The following SPDYA variants were observed in gnomAD, a reference collection of about 807,000 sequenced individuals.
SPDYA encodes the protein speedy/RINGO cell cycle regulator family member A.
SPDYA carries 11 observed loss-of-function variants against 36.7 expected under a neutral mutation model. That is an observed-to-expected ratio of 0.30 (90% CI 0.19 to 0.50). SPDYA has a LOEUF of 0.50. Among genes scored for constraint, SPDYA ranks in the 20% least tolerant of loss-of-function variants. SPDYA has a pLI of 0.98. For missense variants in SPDYA, 287 were observed against 370.9 expected (o/e 0.77, Z 1.86); for synonymous variants, 115 against 118.7 (o/e 0.97, Z 0.20).
intron 7 of SPDYA, among the ~76,000 whole-genome samples, chr2:28,847,915 A>C (rs1165553204): frequency 6.6e-6 from 1 of 152,164 alleles, no homozygotes; most frequent in East Asian, 1.9e-4. Context: ...TATAAATGCG[A>C]ATGGTAGTTA....
intron 7 of SPDYA, chr2:28,840,674 T>C: frequency 7.6e-7 from 1 of 1,321,848 alleles, no homozygotes. Flanking sequence ...ATTTTTAATG[T>C]GACCTATGTT....
At chr2:28,823,234 A>C (rs935470254) in intron 5 of SPDYA, among the ~76,000 whole-genome samples, 1 of 152,316 alleles carries the variant, frequency 6.6e-6, no homozygotes, top group African/African-American at 2.4e-5. Context: ...GTTGTTTTCC[A>C]GTTCTTCCAC....
chr2:28,811,797 TA>T lies in SPDYA; in HGVS notation c.-93+859del, dbSNP rs1289123412. On this transcript the variant is annotated intron_variant, in intron 1 of 7. Coordinates refer to ENST00000334056, the MANE Select transcript of SPDYA (RefSeq NM_182756.4). This position sits in a 1 kb window ranked among gnomAD's most constrained non-coding sequence, Gnocchi z 4.2. The stretch of plus-strand genomic sequence containing the variant: ...AAACCCGTCTCTACAAAAAATAACT[TA>T]AAAAAAAAGTATCCTGGCATGGTGG... Among the ~76,000 whole-genome samples the T allele has an allele frequency of 1.4e-4, 20 of 145,364 alleles. No homozygotes were observed. Among genetic ancestry groups the T allele is most frequent in the Non-Finnish European group, 2.0e-4 (13 of 65,366 alleles).
intron 7 of SPDYA, among the ~76,000 whole-genome samples, chr2:28,845,365 G>A (rs994688192): frequency 6.6e-6 from 1 of 151,648 alleles, no homozygotes; most frequent in Admixed American, 6.6e-5. Context: ...CAAAGTGGTG[G>A]GGTTACAGAT....
chr2:28,816,582 G>A (rs1421654697), intron 3 of SPDYA, among the ~76,000 whole-genome samples: 1 of 152,124 alleles, frequency 6.6e-6, no homozygotes, highest in East Asian at 1.9e-4. Context: ...TAAAGACTCA[G>A]GTGAGCTAAC....
intron 5 of SPDYA, among the ~76,000 whole-genome samples, chr2:28,824,478 G>GAAA (rs1180132778): frequency 2.6e-5 from 2 of 77,388 alleles, no homozygotes; most frequent in African/African-American, 5.6e-5. Context: ...GCTGTCAGGA[G>GAAA]AAAAAAAAAA....
At chr2:28,842,533 A>T (rs1355953438) in intron 7 of SPDYA, among the ~76,000 whole-genome samples, 1 of 152,128 alleles carries the variant, frequency 6.6e-6, no homozygotes, top group Non-Finnish European at 1.5e-5. Context: ...GTGGGGTATT[A>T]ACTTAGGGGA....
chr2:28,835,053 GTTTGT>G (rs1197596631), intron 6 of SPDYA, among the ~76,000 whole-genome samples: 1 of 151,946 alleles, frequency 6.6e-6, no homozygotes, highest in South Asian at 2.1e-4. Flanking sequence ...TTTTGCATTT[GTTTGT>G]TTTGTTTTGT....
At chr2:28,844,380 G>C (rs1668820392) in intron 7 of SPDYA, among the ~76,000 whole-genome samples, 1 of 152,170 alleles carries the variant, frequency 6.6e-6, no homozygotes, top group African/African-American at 2.4e-5. Context: ...AATACAGCTG[G>C]TCCTTGACTT....
intron 7 of SPDYA, among the ~76,000 whole-genome samples, chr2:28,842,465 T>C (rs1668772337): frequency 6.6e-6 from 1 of 152,194 alleles, no homozygotes; most frequent in Admixed American, 6.5e-5. Flanking sequence ...GAAGGGGCTG[T>C]GCCAGTCAGT....
In SPDYA at chr2:28,816,120, C is replaced by A; in HGVS notation, c.106C>A (p.Arg36Ser). ...HQPKKPITLK[R>S]PICKDNWQAF... ...GCCTAAAAAGCCCATTACTCTGAAG[C>A]GTCCTATTTGTAAAGATAATTGGCA... Residue 36 changes from arginine (R) to serine (S), a missense_variant, in exon 3 of 8, where the codon CGT becomes AGT. Physicochemically the swap from Arg to Ser is moderately radical, Grantham distance 110. Coordinates refer to ENST00000334056, the MANE Select transcript of SPDYA (RefSeq NM_182756.4). 6.2e-7 allele frequency: 1 copy of A among 1,613,716 alleles called. No homozygotes were observed. The highest frequency in any genetic ancestry group is 8.5e-7 in the Non-Finnish European group (1 of 1,179,850).
Position 28,822,341 on chromosome 2 carries a change from C to T in SPDYA, c.311C>T (p.Thr104Ile). ...TCCTTATAGTATCTTTTGGCTATGA[C>T]CTTTGTTTATTTCAAGAGGGCTAAA... ...KIADKYLLAM[T>I]FVYFKRAKFT... Residue 104 changes from threonine to isoleucine, a missense_variant, in exon 5 of 8, where the codon ACC becomes ATC. By Grantham distance (89) the Thr-to-Ile change is moderately conservative. Coordinates refer to ENST00000334056, the MANE Select transcript of SPDYA (RefSeq NM_182756.4). 1.3e-6 allele frequency: 2 copies of T among 1,550,958 alleles called. No individual in the cohort carries two copies. The highest frequency in any genetic ancestry group is 1.7e-6 in the Non-Finnish European group (2 of 1,145,678).
intron 5 of SPDYA, among the ~76,000 whole-genome samples, chr2:28,826,611 C>CTTTTTTTTTTTTTTTTTTTTTTTTT (rs777338299): frequency 2.7e-5 from 2 of 75,328 alleles, no homozygotes; most frequent in Admixed American, 2.3e-4. Flanking sequence ...TTCTTTCTCT[C>CTTTTTTTTTTTTTTTTTTTTTTTTT]TTTTTTTTTT....
At position 28,840,210 on chromosome 2, in the gene SPDYA, A is replaced by G. The variant is rs760137534; in HGVS notation, c.591A>G (p.Arg197=). ...CACCAACCCATTATATCTGGCAAAG[A>G]GAACGTTCTGTTCATCACAGTGGAG... ...AIAPTHYIWQ[R]ERSVHHSGAV... is the part of the protein sequence containing the mutation. The change falls in exon 7 of 8, where the codon AGA becomes AGG. Residue 197 remains arginine (R), a synonymous_variant. Coordinates refer to ENST00000334056, the MANE Select transcript of SPDYA (RefSeq NM_182756.4). 6.8e-6 allele frequency: 11 copies of G among 1,614,232 alleles called. No homozygotes were observed. The South Asian group carries it at 8.8e-5, about 13-fold the overall frequency.
At chr2:28,817,894 C>T (rs1377123152) in intron 3 of SPDYA, among the ~76,000 whole-genome samples, 1 of 132,670 alleles carries the variant, frequency 7.5e-6, no homozygotes, top group African/African-American at 2.8e-5. Flanking sequence ...GATATGGTGG[C>T]TCATGCCTGT....
At chr2:28,841,781 A>T (rs1482068345) in intron 7 of SPDYA, among the ~76,000 whole-genome samples, 1 of 152,158 alleles carries the variant, frequency 6.6e-6, no homozygotes, top group Non-Finnish European at 1.5e-5. Flanking sequence ...ACCTTCAGGC[A>T]TATTTTTTAT....
At chr2:28,836,069 TATA>T (rs909040409) in intron 6 of SPDYA, among the ~76,000 whole-genome samples, 7 of 152,250 alleles carry the variant, frequency 4.6e-5, no homozygotes, top group African/African-American at 9.6e-5. Context: ...CAAACTAGCT[TATA>T]ATAATAATAC....
At chr2:28,840,541 C>A (rs549505165) in intron 7 of SPDYA, 72 bp downstream of exon 7, 3 of 1,531,152 alleles carry the variant, frequency 2.0e-6, no homozygotes, top group Non-Finnish European at 2.6e-6. Context: ...TCCTTTCTGG[C>A]GGGGATACAT....
intron 3 of SPDYA, among the ~76,000 whole-genome samples, chr2:28,817,940 C>T (rs1486287757): frequency 6.7e-6 from 1 of 148,374 alleles, no homozygotes; most frequent in South Asian, 2.1e-4. Flanking sequence ...GCAAGTGGAT[C>T]GCTTGAGCTC....
Sources: gnomAD v4.1 joint callset for allele counts (sites outside exome capture counted in the v4.1 genomes callset) on GRCh38, gnomAD v4.1.1 for gene constraint, Gnocchi (gnomAD v3.1) non-coding constraint, MANE v1.5 for transcripts, NCBI Gene and HGNC (gene_info 2026-07-23, HGNC 2026-07-21) for gene names.